NRG3: variants seen among roughly 807,000 people sequenced by gnomAD.
NRG3 encodes the protein pro-neuregulin-3, membrane-bound isoform.
In NRG3, 31 loss-of-function variants were observed where a neutral mutation model predicts 66.9. The observed-to-expected ratio is 0.46, with a 90% CI of 0.35 to 0.63. The LOEUF is 0.63. Among genes scored for constraint, NRG3 ranks in the 20% least tolerant of loss-of-function variants. The pLI is 0.00. For synonymous variants in NRG3, 393 were observed against 359.4 expected (o/e 1.09, Z -1.06); for missense variants, 910 against 878.9 (o/e 1.04, Z -0.45).
At chr10:81,882,013 T>G (rs1169414748) in intron 1 of NRG3, among the ~76,000 whole-genome samples, 2 of 152,206 alleles carry the variant, frequency 1.3e-5, no homozygotes, top group Non-Finnish European at 2.9e-5. Flanking sequence ...TTCAAAGCAT[T>G]CAACTACATT....
intron 1 of NRG3, among the ~76,000 whole-genome samples, chr10:81,907,043 G>C (rs1564647527): frequency 6.6e-6 from 1 of 152,116 alleles, no homozygotes; most frequent in African/African-American, 2.4e-5. Context: ...TCAGTCCTTT[G>C]TTAAATTTGA....
chr10:82,246,381 A>G (rs909962156), intron 1 of NRG3, among the ~76,000 whole-genome samples: 4 of 152,132 alleles, frequency 2.6e-5, no homozygotes, highest in African/African-American at 4.8e-5. Context: ...GTGTTATAAC[A>G]TGTTTTTGAA....
intron 1 of NRG3, among the ~76,000 whole-genome samples, chr10:82,132,867 G>C (rs181426066): frequency 2.0e-5 from 3 of 151,264 alleles, no homozygotes; most frequent in African/African-American, 7.3e-5. Context: ...ACATATATTT[G>C]CTCATATTAA....
intron 1 of NRG3, among the ~76,000 whole-genome samples, chr10:82,327,690 C>G (rs899074477): frequency 5.3e-5 from 8 of 152,144 alleles, no homozygotes; most frequent in Non-Finnish European, 8.8e-5. Flanking sequence ...TGTTTCTTCT[C>G]TCATGCAGCC....
chr10:82,150,660 A>G (rs12777709), intron 1 of NRG3, among the ~76,000 whole-genome samples: 1 of 151,990 alleles, frequency 6.6e-6, no homozygotes, highest in Non-Finnish European at 1.5e-5. Flanking sequence ...AAGAACGGAC[A>G]CCACAAACTC....
chr10:82,544,777 CTTA>C (rs1223766369), intron 2 of NRG3, among the ~76,000 whole-genome samples: 1 of 152,134 alleles, frequency 6.6e-6, no homozygotes, highest in Non-Finnish European at 1.5e-5. Context: ...TCAATAAACA[CTTA>C]TTATTGATAG....
intron 2 of NRG3, among the ~76,000 whole-genome samples, chr10:82,608,961 T>A (rs2048135386): frequency 6.6e-6 from 1 of 152,188 alleles, no homozygotes; most frequent in South Asian, 2.1e-4. Flanking sequence ...TTGAATAATT[T>A]GTCAATTACA....
chr10:82,795,249 A>C (rs1174803344), intron 3 of NRG3, among the ~76,000 whole-genome samples: 1 of 152,240 alleles, frequency 6.6e-6, no homozygotes, highest in Non-Finnish European at 1.5e-5. Context: ...CATGTAATGT[A>C]TATAACCTTA....
chr10:82,039,090 G>T (rs887807929), intron 1 of NRG3, among the ~76,000 whole-genome samples: 1 of 152,058 alleles, frequency 6.6e-6, no homozygotes, highest in African/African-American at 2.4e-5. Flanking sequence ...AAATATACAG[G>T]TGTATTATAT....
At chr10:82,069,415 G>A (rs1486412968) in intron 1 of NRG3, among the ~76,000 whole-genome samples, 2 of 152,154 alleles carry the variant, frequency 1.3e-5, no homozygotes, top group Non-Finnish European at 2.9e-5. Flanking sequence ...TCTTACAATG[G>A]GTGAGGCACC....
chr10:82,979,088 G>C lies in NRG3; in HGVS notation c.1551G>C (p.Arg517Ser), dbSNP rs761374063. 3 of 1,613,970 alleles carry C rather than the reference G, an allele frequency of 1.9e-6. No homozygotes were observed. In the East Asian group the frequency reaches 6.7e-5, roughly 36 times the overall value. Residue 517 changes from arginine (R) to serine (S), a missense_variant, in exon 8 of 9, where the codon AGG becomes AGC. Physicochemically the swap from Arg to Ser is moderately radical, Grantham distance 110. Coordinates refer to ENST00000372141, the MANE Select transcript of NRG3 (RefSeq NM_001010848.4). ...CATATCAGCAACTCGAAGAATCAAG[G>C]ATCCCAGACCAGGATACGATACCTT... is the stretch of plus-strand genomic sequence containing the variant. ...GPAYQQLEES[R>S]IPDQDTIPCQ...
intron 1 of NRG3, among the ~76,000 whole-genome samples, chr10:82,027,866 A>G (rs577373994): frequency 6.6e-6 from 1 of 152,222 alleles, no homozygotes; most frequent in Admixed American, 6.5e-5. Flanking sequence ...AGAGACAAAG[A>G]CAGGAGGTGG....
intron 4 of NRG3, among the ~76,000 whole-genome samples, chr10:82,910,247 C>T (rs1007445544): frequency 1.3e-5 from 2 of 152,174 alleles, no homozygotes; most frequent in Admixed American, 1.3e-4. Context: ...GACAAGTTTG[C>T]CAATGTCATC....
chr10:82,916,134 C>G (rs949848609), intron 4 of NRG3, among the ~76,000 whole-genome samples: 18 of 152,108 alleles, frequency 1.2e-4, no homozygotes, highest in African/African-American at 2.2e-4. Context: ...ATTTGTTGTT[C>G]TTGTCATTGT....
chr10:82,779,937 G>C (rs2135263180), intron 3 of NRG3, among the ~76,000 whole-genome samples: 1 of 122,918 alleles, frequency 8.1e-6, no homozygotes, highest in African/African-American at 3.1e-5. Context: ...TGTTCTCATT[G>C]TTCAACTCCC....
intron 2 of NRG3, among the ~76,000 whole-genome samples, chr10:82,406,944 T>C (rs1401528273): frequency 6.6e-6 from 1 of 152,160 alleles, no homozygotes; most frequent in African/African-American, 2.4e-5. Context: ...AATCTTCTTA[T>C]CATCATTACT....
chr10:82,069,461 A>G (rs1402330593), intron 1 of NRG3, among the ~76,000 whole-genome samples: 1 of 152,300 alleles, frequency 6.6e-6, no homozygotes, highest in East Asian at 1.9e-4. Context: ...TCCAACAGCC[A>G]TGTGAGGTAT....
At chr10:82,922,872 A>T (rs1388433707) in intron 4 of NRG3, among the ~76,000 whole-genome samples, 1 of 152,154 alleles carries the variant, frequency 6.6e-6, no homozygotes, top group Non-Finnish European at 1.5e-5. Context: ...ATCACCATCC[A>T]TCCATTGACC....
intron 1 of NRG3, among the ~76,000 whole-genome samples, chr10:81,981,603 G>C (rs1554875647): frequency 6.6e-6 from 1 of 152,132 alleles, no homozygotes; most frequent in Non-Finnish European, 1.5e-5. Context: ...CTAAGGAGGT[G>C]CCCCTCATTC....
Sources: gnomAD v4.1 joint callset for allele counts (sites outside exome capture counted in the v4.1 genomes callset) on GRCh38, gnomAD v4.1.1 for gene constraint, MANE v1.5 for transcripts, NCBI Gene and HGNC (gene_info 2026-07-23, HGNC 2026-07-21) for gene names.